MAP1B: variants seen among roughly 807,000 people sequenced by gnomAD.
MAP1B encodes the protein microtubule-associated protein 1B.
In MAP1B, 12 loss-of-function variants were observed where a neutral mutation model predicts 176.1. That is an observed-to-expected ratio of 0.07 (90% confidence interval 0.04 to 0.11). MAP1B has a LOEUF of 0.11. Ranked by LOEUF, MAP1B falls within the 10% of genes least tolerant of loss-of-function variation. MAP1B has a pLI of 1.00. For synonymous variants in MAP1B, 1,044 were observed against 1,135.0 expected (o/e 0.92, Z 1.61); for missense variants, 2,523 against 2,990.5 (o/e 0.84, Z 3.65).
chr5:72,155,654 A>T (rs545322703), intron 2 of MAP1B, among the ~76,000 whole-genome samples: 4 of 152,088 alleles, frequency 2.6e-5, no homozygotes, highest in Non-Finnish European at 5.9e-5. Context: ...TGTTTTTGAA[A>T]TATTTTCTAA....
At chr5:72,117,779 T>G (rs1579980588) in intron 2 of MAP1B, among the ~76,000 whole-genome samples, 1 of 152,216 alleles carries the variant, frequency 6.6e-6, no homozygotes, top group South Asian at 2.1e-4. Flanking sequence ...ATTACGACTT[T>G]CCCTGTCAAG....
chr5:72,180,306 C>T (rs934661820), intron 2 of MAP1B, among the ~76,000 whole-genome samples: 1 of 152,146 alleles, frequency 6.6e-6, no homozygotes, highest in Admixed American at 6.5e-5. Context: ...GTGCCCACAA[C>T]AAAATTGTGA....
intron 4 of MAP1B, among the ~76,000 whole-genome samples, chr5:72,187,658 G>A (rs926813493): frequency 2.6e-5 from 4 of 152,122 alleles, no homozygotes; most frequent in African/African-American, 4.8e-5. Flanking sequence ...TGTCTCATGT[G>A]TACTGTGAAG....
chr5:72,195,539 C>T lies in MAP1B; in HGVS notation c.2184C>T (p.Pro728=). The stretch of plus-strand genomic sequence containing the variant: ...AAGTGAAAAAGGAAGAAAAGGAACC[C>T]AAAAAAGAAATTAAGAAGCTCCCTA... ...KKEVKKEEKE[P]KKEIKKLPKD... Residue 728 remains proline, a synonymous_variant, in exon 5 of 7, where the codon CCC becomes CCT. Coordinates refer to ENST00000296755, the MANE Select transcript of MAP1B (RefSeq NM_005909.5). 4 of 1,589,210 alleles carry T rather than the reference C, an allele frequency of 2.5e-6. No homozygotes were observed. Among genetic ancestry groups the T allele is most frequent in the Non-Finnish European group, 1.7e-6 (2 of 1,174,098 alleles).
intron 2 of MAP1B, among the ~76,000 whole-genome samples, chr5:72,181,180 G>GT (rs1746758144): frequency 6.6e-6 from 1 of 152,302 alleles, no homozygotes; most frequent in Admixed American, 6.5e-5. Flanking sequence ...GTGATGTGGG[G>GT]TTTGTTGGTA....
rs199691201 is a variant in MAP1B, at chr5:72,198,477, G to A, written c.5122G>A (p.Glu1708Lys). 3 of 1,613,724 alleles carry A rather than the reference G, an allele frequency of 1.9e-6. No individual in the cohort carries two copies. The highest frequency in any genetic ancestry group is 1.7e-6 in the Non-Finnish European group (2 of 1,180,034). ...SLSHKIPPME[E>K]PSYTQDNDLS... ...ATCACATAAGATACCACCTATGGAG[G>A]AGCCGTCCTACACCCAAGATAATGA... Residue 1708 changes from glutamate (E) to lysine (K), a missense_variant, in exon 5 of 7, where the codon GAG (glutamate) becomes AAG (lysine). Physicochemically the swap from Glu to Lys is moderately conservative, Grantham distance 56 (BLOSUM62 1). This residue lies in a region of MAP1B where 1,925 missense variants were observed against 2,126.0 expected (regional missense o/e 0.91). Coordinates refer to ENST00000296755, the MANE Select transcript of MAP1B (RefSeq NM_005909.5).
chr5:72,179,349 C>T (rs1007563695), intron 2 of MAP1B, among the ~76,000 whole-genome samples: 1 of 152,178 alleles, frequency 6.6e-6, no homozygotes, highest in African/African-American at 2.4e-5. Flanking sequence ...ATGGAGAATG[C>T]GGACTACAAT....
At chr5:72,167,283 G>A (rs572723926) in intron 2 of MAP1B, among the ~76,000 whole-genome samples, 1 of 152,134 alleles carries the variant, frequency 6.6e-6, no homozygotes, top group East Asian at 1.9e-4. Context: ...TTTGTTAATT[G>A]GATTTTTTTT....
Position 72,195,482 on chromosome 5 carries a change from C to T in MAP1B, c.2127C>T (p.Val709=). The T allele has an allele frequency of 6.3e-7, 1 of 1,587,136 alleles. No individual in the cohort carries two copies. Among genetic ancestry groups the T allele is most frequent in the South Asian group, 1.2e-5 (1 of 84,506 alleles). ...EVKKETPPKE[V]KKEVKKEEKK... is the part of the protein sequence containing the mutation. ...AGAAAGAAACACCGCCAAAGGAAGT[C>T]AAGAAGGAAGTTAAGAAGGAAGAGA... Residue 709 remains valine, a synonymous_variant, in exon 5 of 7, where the codon GTC becomes GTT. Coordinates refer to ENST00000296755, the MANE Select transcript of MAP1B (RefSeq NM_005909.5).
chr5:72,183,657 C>T, intron 2 of MAP1B, 86 bp from the exon 3 acceptor site: 1 of 908,038 alleles, frequency 1.1e-6, no homozygotes, highest in Non-Finnish European at 1.8e-6. Context: ...GGCAGAAATT[C>T]CTCTGCTGTC....
In MAP1B at chr5:72,203,744, C is replaced by A; in HGVS notation, c.7194C>A (p.Ser2398Arg). The change falls in exon 6 of 7, where the codon AGC becomes AGA. Residue 2398 changes from serine to arginine, a missense_variant. Transcript: ENST00000296755. ...ATGACCCTGCTGCTGAGGAGCCCAG[C>A]CGGGCTGTCCTGGACGCTTTGTTGG... ...SGNDPAAEEPSRAVLDALLEG... is the reference protein window; with the variant it reads ...SGNDPAAEEPRRAVLDALLEG... The A allele has an allele frequency of 6.2e-7, 1 of 1,613,530 alleles. No homozygotes were observed. Among genetic ancestry groups the A allele is most frequent in the Non-Finnish European group, 8.5e-7 (1 of 1,180,006 alleles).
chr5:72,166,134 T>C (rs1449546375), intron 2 of MAP1B, among the ~76,000 whole-genome samples: 1 of 152,222 alleles, frequency 6.6e-6, no homozygotes, highest in African/African-American at 2.4e-5. Flanking sequence ...ATATGCTAGC[T>C]GTGGTTTGGC....
chr5:72,120,256 C>T (rs1745503295), intron 2 of MAP1B, among the ~76,000 whole-genome samples: 1 of 152,136 alleles, frequency 6.6e-6, no homozygotes, highest in African/African-American at 2.4e-5. Flanking sequence ...TCTGACTCCT[C>T]ATCAGCAGCC....
chr5:72,124,755 T>C (rs1334511165), intron 2 of MAP1B, among the ~76,000 whole-genome samples: 1 of 152,244 alleles, frequency 6.6e-6, no homozygotes, highest in East Asian at 1.9e-4. Context: ...ACGCCACTGT[T>C]GAGCATTGTG....
At chr5:72,191,311 A>C (rs1747021018) in intron 4 of MAP1B, among the ~76,000 whole-genome samples, 3 of 152,234 alleles carry the variant, frequency 2.0e-5, no homozygotes, top group Admixed American at 2.0e-4. Context: ...TGTTCAGAAG[A>C]AGCCTCAGTT....
Position 72,146,861 on chromosome 5 carries a change from G to C in MAP1B, c.286+31062G>C, listed in dbSNP as rs191265369. Among the ~76,000 whole-genome samples the C allele has an allele frequency of 3.2e-4, 48 of 152,262 alleles. 1 individual carries two copies. In the East Asian group the frequency reaches 8.3e-3, roughly 26 times the overall value. On this transcript the variant is annotated intron_variant, in intron 2 of 6. Coordinates refer to ENST00000296755, the MANE Select transcript of MAP1B (RefSeq NM_005909.5). Reference sequence around the variant, plus strand: ...ACACATAGCATCAGCCTCTTTCTGGGGCAACTGAAAACTTTTTCAAAAGCA... The same window carrying C: ...ACACATAGCATCAGCCTCTTTCTGGCGCAACTGAAAACTTTTTCAAAAGCA...
intron 1 of MAP1B, among the ~76,000 whole-genome samples, 174 bp from the exon 2 acceptor site, chr5:72,115,524 A>G (rs373661162): frequency 3.5e-4 from 54 of 152,248 alleles, no homozygotes; most frequent in African/African-American, 1.2e-3. Flanking sequence ...CCTGGTGGAG[A>G]GACCTCCCTG....
chr5:72,140,846 C>T (rs979434180), intron 2 of MAP1B, among the ~76,000 whole-genome samples: 1 of 152,146 alleles, frequency 6.6e-6, no homozygotes, highest in Non-Finnish European at 1.5e-5. Flanking sequence ...TTCTAGCGTC[C>T]ATCTTGGATT....
chr5:72,168,752 C>G (rs942642798), intron 2 of MAP1B, among the ~76,000 whole-genome samples: 1 of 152,232 alleles, frequency 6.6e-6, no homozygotes, highest in Non-Finnish European at 1.5e-5. Context: ...TTGACTTGCT[C>G]TTTGTCATGG....
Sources: allele counts gnomAD v4.1 joint callset (sites outside exome capture counted in the v4.1 genomes callset), GRCh38; gene constraint gnomAD v4.1.1; regional missense constraint gnomAD v4.1.1; transcripts MANE v1.5; gene names NCBI Gene and HGNC (gene_info 2026-07-23, HGNC 2026-07-21).